PIMREG: variants seen among roughly 807,000 people sequenced by gnomAD.
The protein encoded by PIMREG is PICALM interacting mitotic regulator, also known as protein PIMREG.
Under a neutral mutation model 24.3 loss-of-function variants are expected in PIMREG, and 19 were observed. The ratio of observed to expected loss-of-function variants is 0.78; its 90% CI spans 0.54 to 1.15. The LOEUF is 1.15. Among genes scored for constraint, PIMREG ranks in the 50% most tolerant of loss-of-function variants. The pLI is 0.00. For missense variants in PIMREG, 283 were observed against 306.8 expected (o/e 0.92, Z 0.58); for synonymous variants, 112 against 124.1 (o/e 0.90, Z 0.65).
rs985212725 is a variant in PIMREG, at chr17:6,450,519, C to G, written c.*172C>G. 1.3e-4 allele frequency: 117 copies of G among 910,218 alleles called. No homozygotes were observed. Among genetic ancestry groups the G allele is most frequent in the Non-Finnish European group, 1.9e-4 (114 of 612,744 alleles). The allele number at this position is 910,218 out of a possible 1,614,324, so 56.4% of individuals were successfully genotyped here. A position where few individuals can be genotyped will look rare whatever the true frequency, so the allele number is the denominator to read the frequency against. The stretch of plus-strand genomic sequence containing the variant: ...CCAGAGCCCCCTGCTCCAGCCACAT[C>G]TGGACCCATCAGTGACTGCCTGCCA... On this transcript the variant is annotated 3_prime_UTR_variant, in exon 6 of 6. Coordinates refer to ENST00000572447, the MANE Select transcript of PIMREG (RefSeq NM_019013.3).
rs537887233 is a variant in PIMREG, at chr17:6,450,431, GA to G, written c.*90del. On this transcript the variant is annotated 3_prime_UTR_variant, in exon 6 of 6. Transcript: ENST00000572447. ...TCTATGCTTCCCCGTGAGCTTCCTG[GA>G]AAAAACCCCCGGGAGTCGTCAGTAC... 16 of 1,567,426 alleles carry G rather than the reference GA, an allele frequency of 1.0e-5. No individual in the cohort carries two copies. The Admixed American group carries it at 2.7e-4, about 27-fold the overall frequency.
chr17:6,448,790 CACCTGTG>C (rs1913691282), intron 3 of PIMREG, among the ~76,000 whole-genome samples: 1 of 152,204 alleles, frequency 6.6e-6, no homozygotes, highest in Non-Finnish European at 1.5e-5. Flanking sequence ...CTAGCCGCTG[CACCTGTG>C]TTGTGGCAGG....
Position 6,450,463 on chromosome 17 carries a change from G to A in PIMREG, c.*116G>A. On this transcript the variant is annotated 3_prime_UTR_variant, in exon 6 of 6. Coordinates refer to ENST00000572447, the MANE Select transcript of PIMREG (RefSeq NM_019013.3). ...CCCCCGGGAGTCGTCAGTACCCCTG[G>A]GCCACTGCTAACAAGCACCTAACAA... 2 of 1,510,632 alleles carry A rather than the reference G, an allele frequency of 1.3e-6. No individual in the cohort carries two copies. Among genetic ancestry groups the A allele is most frequent in the East Asian group, 2.4e-5 (1 of 41,730 alleles). The allele number at this position is 1,510,632 out of a possible 1,614,324, so 93.6% of individuals were successfully genotyped here.
intron 3 of PIMREG, among the ~76,000 whole-genome samples, chr17:6,448,301 A>AAAAAAAAAAAAAG (rs1259419657): frequency 6.7e-5 from 10 of 149,320 alleles, no homozygotes; most frequent in African/African-American, 1.7e-4. Flanking sequence ...AAAAAAAAAA[A>AAAAAAAAAAAAAG]AGAGAGAGAG....
rs1323128917 is a variant in PIMREG at position 6,450,345 on chromosome 17, G to C, written c.*15-17G>C. 1.3e-6 allele frequency: 2 copies of C among 1,549,468 alleles called. No homozygotes were observed. Among genetic ancestry groups the C allele is most frequent in the Non-Finnish European group, 1.7e-6 (2 of 1,153,658 alleles). On this transcript the variant is annotated splice_polypyrimidine_tract_variant and intron_variant, in intron 5 of 5. Coordinates refer to ENST00000572447, the MANE Select transcript of PIMREG (RefSeq NM_019013.3). ...TCCTACCTTGAGCACAGTGAAAAAG[G>C]CAGCTCTGTCTTGAAGGAAACAAGC...
In PIMREG at chr17:6,451,122, GGGC is replaced by G. The variant is rs1597353368; in HGVS notation, c.*776_*778del. On this transcript the variant is annotated 3_prime_UTR_variant, in exon 6 of 6. Transcript: ENST00000572447. The stretch of plus-strand genomic sequence containing the variant: ...CTCCCCCGCCCTCCCACACCACTCT[GGGC>G]TATAGATTTGTAATTTGTGGTTTGG... 1 of 152,052 alleles carries G rather than the reference GGGC, an allele frequency of 6.6e-6. No individual in the cohort carries two copies. Among genetic ancestry groups the G allele is most frequent in the African/African-American group, 2.4e-5 (1 of 41,400 alleles). 9.4% of individuals were successfully genotyped at this position (152,052 alleles called of 1,614,324 possible).
At chr17:6,447,434 G>C (rs774224276) in intron 2 of PIMREG, 29 bp from the exon 3 acceptor site, 1 of 1,607,466 alleles carries the variant, frequency 6.2e-7, no homozygotes, top group Non-Finnish European at 8.5e-7. Flanking sequence ...GGTTTTGTCT[G>C]TGCTAACCTT....
In PIMREG at chr17:6,445,353, C is replaced by T. The variant is rs773003527; in HGVS notation, c.243C>T (p.Gly81=). ...RLETPEPGQQ[G]LQAAARSAKS... ...AAACCCCAGAGCCAGGTCAGCAGGG[C>T]CTCCAGGCTGCAGCTCGCTCAGCTA... is the stretch of plus-strand genomic sequence containing the variant. Residue 81 remains glycine, a synonymous_variant, in exon 2 of 6, where the codon GGC becomes GGT. Transcript: ENST00000572447. The T allele has an allele frequency of 5.0e-6, 8 of 1,614,074 alleles. No individual in the cohort carries two copies. The highest frequency in any genetic ancestry group is 5.9e-6 in the Non-Finnish European group (7 of 1,179,956).
rs189190222 is a variant in PIMREG, at chr17:6,445,103, C to T, written c.-8C>T. The T allele has an allele frequency of 1.3e-6, 2 of 1,580,770 alleles. No individual in the cohort carries two copies. The highest frequency in any genetic ancestry group is 1.7e-6 in the Non-Finnish European group (2 of 1,163,328). ...TCTAGTGGACAGAGAAGACTCTTGG[C>T]CAGGCAGATGGCTTCTCGGTGGCAG... On this transcript the variant is annotated 5_prime_UTR_variant, in exon 2 of 6. Transcript: ENST00000572447.
intron 3 of PIMREG, 42 bp from the exon 4 acceptor site, chr17:6,449,270 A>C (rs1301649421): frequency 2.6e-6 from 4 of 1,556,046 alleles, no homozygotes; most frequent in Middle Eastern, 1.8e-4. Context: ...TCCTGCCGGG[A>C]GTTTCCAACT....
chr17:6,444,982 ATCCCGTCTCT>A lies in PIMREG; in HGVS notation c.-35-89_-35-80del. The A allele has an allele frequency of 9.6e-7, 1 of 1,041,872 alleles. No homozygotes were observed. Among genetic ancestry groups the A allele is most frequent in the East Asian group, 2.8e-5 (1 of 35,462 alleles). 64.5% of individuals were successfully genotyped at this position (1,041,872 alleles called of 1,614,324 possible). On this transcript the variant is annotated intron_variant, in intron 1 of 5. Transcript: ENST00000572447. This position sits in a 1 kb window ranked among gnomAD's most constrained non-coding sequence, Gnocchi z 4.3. ...TCGCCCGCCCCCGCCACCCCGCTGCATCCCGTCTCTTCCCCTGTGTCCAGGGTCTCTGTGG... is the reference window on the plus strand; with the variant it reads ...TCGCCCGCCCCCGCCACCCCGCTGCATCCCCTGTGTCCAGGGTCTCTGTGG...
rs12746 is a variant in PIMREG at position 6,451,011 on chromosome 17, G to A, written c.*664G>A. 101,659 of 152,194 alleles carry A rather than the reference G, an allele frequency of 0.67. 33,934 individuals are homozygous for A. The highest frequency in any genetic ancestry group is 0.72 in the East Asian group (3,729 of 5,180). The allele number at this position is 152,194 out of a possible 1,614,324, so 9.4% of individuals were successfully genotyped here. On this transcript the variant is annotated 3_prime_UTR_variant, in exon 6 of 6. Coordinates refer to ENST00000572447, the MANE Select transcript of PIMREG (RefSeq NM_019013.3). ...GTCATTTTATTAGAAAGAAACCAGC[G>A]TGTGACTTTCCTAGATAACACTGCT...
Position 6,450,538 on chromosome 17 carries a change from C to T in PIMREG, c.*191C>T. ...CCACATCTGGACCCATCAGTGACTG[C>T]CTGCCATAGCCTGAGAGTGTCTTGG... On this transcript the variant is annotated 3_prime_UTR_variant, in exon 6 of 6. Transcript: ENST00000572447. 2.8e-6 allele frequency: 2 copies of T among 703,090 alleles called. No homozygotes were observed. The highest frequency in any genetic ancestry group is 2.0e-5 in the South Asian group (1 of 51,148). The allele number at this position is 703,090 out of a possible 1,614,324, so 43.6% of individuals were successfully genotyped here.
intron 3 of PIMREG, among the ~76,000 whole-genome samples, chr17:6,448,758 C>G (rs116938267): frequency 6.6e-6 from 1 of 152,132 alleles, no homozygotes; most frequent in Non-Finnish European, 1.5e-5. Context: ...GGTCCCATCT[C>G]GGAGCTCTCA....
chr17:6,448,301 A>AAAAAAAAAAAAAAAAAAAG (rs1259419657), intron 3 of PIMREG, among the ~76,000 whole-genome samples: 11 of 149,210 alleles, frequency 7.4e-5, no homozygotes, highest in Non-Finnish European at 3.0e-5. Context: ...AAAAAAAAAA[A>AAAAAAAAAAAAAAAAAAAG]AGAGAGAGAG....
Position 6,450,056 on chromosome 17 carries a change from TG to T in PIMREG, c.716del (p.Ter239=). Reference protein sequence around the residue: ...SGDIVSLIHD* With the variant: ...SGDIVSLIHDX ...TGACATCGTCTCTCTCATTCATGAC[TG>T]AGGAAGTGCCTGCAGGTAATGCCCA... On this transcript the variant is annotated frameshift_variant and stop_lost, in exon 5 of 6. Transcript: ENST00000572447. LOFTEE classifies it high-confidence loss of function. The T allele has an allele frequency of 6.2e-7, 1 of 1,614,164 alleles. No individual in the cohort carries two copies. Among genetic ancestry groups the T allele is most frequent in the Non-Finnish European group, 8.5e-7 (1 of 1,179,998 alleles).
Position 6,444,994 on chromosome 17 carries a change from C to T in PIMREG, c.-35-82C>T. ...GCCACCCCGCTGCATCCCGTCTCTT[C>T]CCCTGTGTCCAGGGTCTCTGTGGGG... On this transcript the variant is annotated intron_variant, in intron 1 of 5. Transcript: ENST00000572447. This position sits in a 1 kb window ranked among gnomAD's most constrained non-coding sequence, Gnocchi z 4.3. 8.7e-7 allele frequency: 1 copy of T among 1,150,224 alleles called. No individual in the cohort carries two copies. The highest frequency in any genetic ancestry group is 1.2e-6 in the Non-Finnish European group (1 of 849,718). The allele number at this position is 1,150,224 out of a possible 1,614,324, so 71.3% of individuals were successfully genotyped here.
rs1349214684 is a variant in PIMREG, at chr17:6,445,317, G to A, written c.207G>A (p.Trp69Ter). Residue 69 changes from tryptophan to a stop codon, truncating the protein, a stop_gained, in exon 2 of 6, where the codon TGG (tryptophan) becomes TGA (stop). Coordinates refer to ENST00000572447, the MANE Select transcript of PIMREG (RefSeq NM_019013.3). LOFTEE classifies it high-confidence loss of function. ...VNLNLRAGPSWKRLETPEPGQ... is the reference protein window; with the variant it reads ...VNLNLRAGPS Reference sequence around the variant, plus strand: ...TCAACCTCCGCGCAGGGCCCTCCTGGAAACGCCTGGAAACCCCAGAGCCAG... The same window carrying A: ...TCAACCTCCGCGCAGGGCCCTCCTGAAAACGCCTGGAAACCCCAGAGCCAG... 8.1e-6 allele frequency: 13 copies of A among 1,614,110 alleles called. No homozygotes were observed. The highest frequency in any genetic ancestry group is 1.1e-5 in the Non-Finnish European group (13 of 1,179,994).
rs1264634412 is a variant in PIMREG at position 6,451,278 on chromosome 17, T to C, written c.*931T>C. 6.6e-6 allele frequency: 1 copy of C among 152,166 alleles called. No homozygotes were observed. Among genetic ancestry groups the C allele is most frequent in the East Asian group, 1.9e-4 (1 of 5,188 alleles). The allele number at this position is 152,166 out of a possible 1,614,324, so 9.4% of individuals were successfully genotyped here. On this transcript the variant is annotated 3_prime_UTR_variant, in exon 6 of 6. Transcript: ENST00000572447. ...AAACACATTGTAAAGGCAAAGAAGGTTTTTATTTAAGTGACAACATTTGAG... is the reference window on the plus strand; with the variant it reads ...AAACACATTGTAAAGGCAAAGAAGGCTTTTATTTAAGTGACAACATTTGAG...
Sources: gnomAD v4.1 joint callset for allele counts (sites outside exome capture counted in the v4.1 genomes callset) on GRCh38, gnomAD v4.1.1 for gene constraint, Gnocchi (gnomAD v3.1) non-coding constraint, MANE v1.5 for transcripts, NCBI Gene and HGNC (gene_info 2026-07-23, HGNC 2026-07-21) for gene names.